Variants in NLRP14 observed in about 807,000 individuals in gnomAD.
NLRP14 encodes NLR family pyrin domain containing 14.
NLRP14 carries 105 observed loss-of-function variants against 94.7 expected under a neutral mutation model. That is an observed-to-expected ratio of 1.11 (90% confidence interval 0.95 to 1.30). The LOEUF is 1.30. Ranked by LOEUF, NLRP14 falls within the 50% of genes most tolerant of loss-of-function variation. NLRP14 has a pLI of 0.00. For synonymous variants in NLRP14, 508 were observed against 459.9 expected (o/e 1.10, Z -1.34); for missense variants, 1,362 against 1,254.1 (o/e 1.09, Z -1.30).
chr11:7,039,700 G>A lies in NLRP14; in HGVS notation c.290-14G>A, dbSNP rs192401209. On this transcript the variant is annotated splice_polypyrimidine_tract_variant and intron_variant, in intron 2 of 11. Transcript: ENST00000299481. ...TTTCATTAAATATCATGATCCTATC[G>A]GAACCTGTTGCAGGGTCGGCCCAGA... is the stretch of plus-strand genomic sequence containing the variant. 4.9e-4 allele frequency: 791 copies of A among 1,607,056 alleles called. 1 individual carries two copies. The highest frequency in any genetic ancestry group is 4.1e-4 in the Non-Finnish European group (477 of 1,173,624).
intron 10 of NLRP14, among the ~76,000 whole-genome samples, chr11:7,064,903 T>C (rs545651794): frequency 1.3e-5 from 2 of 152,120 alleles, no homozygotes; most frequent in South Asian, 2.1e-4. Context: ...CACATTTTCA[T>C]TGGTGCGTGG....
In NLRP14 at chr11:7,038,629, C is replaced by T. The variant is rs1565014142; in HGVS notation, c.43C>T (p.Leu15=). ...ATCTTCTTTCTTTCCTGATTTTGGG[C>T]TGCTATTGTATTTGGAGGAGCTAAA... ...SSSSFFPDFG[L]LLYLEELNKE... Residue 15 remains leucine, a synonymous_variant, in exon 2 of 12, where the codon CTG becomes TTG. Coordinates refer to ENST00000299481, the MANE Select transcript of NLRP14 (RefSeq NM_176822.4). The T allele has an allele frequency of 6.2e-7, 1 of 1,613,890 alleles. No individual in the cohort carries two copies. Among genetic ancestry groups the T allele is most frequent in the Admixed American group, 1.7e-5 (1 of 60,004 alleles).
chr11:7,041,915 A>T (rs922059176), intron 3 of NLRP14, among the ~76,000 whole-genome samples: 1 of 151,844 alleles, frequency 6.6e-6, no homozygotes, highest in African/African-American at 2.4e-5. Context: ...CTACGATTCA[A>T]TGTTTATTTC....
chr11:7,047,971 G>C (rs1852384453), intron 5 of NLRP14, among the ~76,000 whole-genome samples: 1 of 151,182 alleles, frequency 6.6e-6, no homozygotes, highest in Non-Finnish European at 1.5e-5. Flanking sequence ...TGTTGGCCAA[G>C]CTGGTCTCAA....
Position 7,071,252 on chromosome 11 carries a change from AAGCC to A in NLRP14, c.3229_3232del (p.Pro1077IlefsTer25), listed in dbSNP as rs780653890. On this transcript the variant is annotated frameshift_variant, in exon 12 of 12. Transcript: ENST00000299481. LOFTEE classifies it low-confidence loss of function (END_TRUNC). ...AGTTAGCAATCCACACTTAATCATT[AAGCC>A]AGATTGTAACTATCATAATGAAGAA... The A allele has an allele frequency of 1.2e-6, 2 of 1,613,600 alleles. No homozygotes were observed. The highest frequency in any genetic ancestry group is 1.7e-6 in the Non-Finnish European group (2 of 1,179,762).
chr11:7,063,406 G>A (rs1461747823), intron 10 of NLRP14, among the ~76,000 whole-genome samples: 1 of 152,042 alleles, frequency 6.6e-6, no homozygotes, highest in East Asian at 1.9e-4. Context: ...ATGGATGCCT[G>A]CACATGCAAC....
Position 7,043,533 on chromosome 11 carries a change from C to A in NLRP14, c.1507C>A (p.Pro503Thr), listed in dbSNP as rs142838064. ...MLKGSWEAGN[P>T]SCQPFEDLKS... ...GAAAGGCAGTTGGGAAGCTGGGAAC[C>A]CTTCCTGCCAGCCTTTTGAAGATTT... is the stretch of plus-strand genomic sequence containing the variant. The change falls in exon 4 of 12, where the codon CCT becomes ACT. Residue 503 changes from proline (P) to threonine (T), a missense_variant. Transcript: ENST00000299481. 46 of 1,613,976 alleles carry A rather than the reference C, an allele frequency of 2.9e-5. No homozygotes were observed. The highest frequency in any genetic ancestry group is 3.5e-5 in the Non-Finnish European group (41 of 1,180,016).
Position 7,043,831 on chromosome 11 carries a change from TC to T in NLRP14, c.1808del (p.Pro603GlnfsTer33), listed in dbSNP as rs1852310072. On this transcript the variant is annotated frameshift_variant, in exon 4 of 12. Transcript: ENST00000299481. LOFTEE classifies it high-confidence loss of function. ...TTTATAAGCCAGGCAATGAGATGTT[TC>T]CCAAAGGTTGCCATTAATATTTGTG... ...KAFISQAMRC[F>X]PKVAINICEK... 1.9e-6 allele frequency: 3 copies of T among 1,614,226 alleles called. No homozygotes were observed. The East Asian group carries it at 6.7e-5, about 36-fold the overall frequency.
rs1250039989 is a variant in NLRP14, at chr11:7,041,608, C to T, written c.362-780C>T. ...CAAATATATTTGACACTTATGTGCACGGAAATGTGTTAGACACTGACCATG... is the reference window on the plus strand; with the variant it reads ...CAAATATATTTGACACTTATGTGCATGGAAATGTGTTAGACACTGACCATG... On this transcript the variant is annotated intron_variant, in intron 3 of 11. Coordinates refer to ENST00000299481, the MANE Select transcript of NLRP14 (RefSeq NM_176822.4). 3.3e-5 allele frequency among the ~76,000 whole-genome samples: 5 copies of T among 152,064 alleles called. No individual in the cohort carries two copies. The East Asian group carries it at 5.8e-4, about 18-fold the overall frequency.
the NLRP14 span, among the ~76,000 whole-genome samples, chr11:7,084,232 A>G: frequency 6.6e-6 from 1 of 152,212 alleles, no homozygotes; most frequent in Non-Finnish European, 1.5e-5. Context: ...AGTCCTGGGG[A>G]AAAGAGTCTA....
intron 6 of NLRP14, among the ~76,000 whole-genome samples, chr11:7,050,502 C>T (rs1181005480): frequency 2.0e-5 from 3 of 152,044 alleles, no homozygotes; most frequent in Non-Finnish European, 2.9e-5. Flanking sequence ...AGGTTTCTGA[C>T]AAAACCAGAC....
At chr11:7,089,895 G>T in the NLRP14 span, 2 of 1,612,940 alleles carry the variant, frequency 1.2e-6, no homozygotes, top group South Asian at 1.1e-5. Flanking sequence ...AGGCTACAGC[G>T]ACCGAGACGG....
At chr11:7,035,303 C>A (rs927065422) in intron 1 of NLRP14, among the ~76,000 whole-genome samples, 21 of 152,180 alleles carry the variant, frequency 1.4e-4, no homozygotes, top group African/African-American at 4.3e-4. Flanking sequence ...CCAGCCTGGG[C>A]GACAGAGCGA....
rs200212568 is a variant in NLRP14 at position 7,058,384 on chromosome 11, G to T, written c.2567G>T (p.Gly856Val). Residue 856 changes from glycine to valine, a missense_variant, in exon 8 of 12, where the codon GGT (glycine) becomes GTT (valine). Coordinates refer to ENST00000299481, the MANE Select transcript of NLRP14 (RefSeq NM_176822.4). ...TTGTGCTTGGCAGACAATGTCTTGGGTGATGGTGGAGTAAAGCTTATGAGT... is the reference window on the plus strand; with the variant it reads ...TTGTGCTTGGCAGACAATGTCTTGGTTGATGGTGGAGTAAAGCTTATGAGT... Reference protein sequence around the residue: ...THLCLADNVLGDGGVKLMSDA... With the variant: ...THLCLADNVLVDGGVKLMSDA... 6.2e-7 allele frequency: 1 copy of T among 1,612,908 alleles called. No individual in the cohort carries two copies. The highest frequency in any genetic ancestry group is 2.2e-5 in the East Asian group (1 of 44,866).
intron 1 of NLRP14, among the ~76,000 whole-genome samples, chr11:7,025,771 T>A (rs1460363779): frequency 6.6e-6 from 1 of 151,478 alleles, no homozygotes; most frequent in Non-Finnish European, 1.5e-5. Flanking sequence ...GTACAATTTA[T>A]GAAGAAGTAT....
At chr11:7,022,686 C>T (rs1458346123) in intron 1 of NLRP14, among the ~76,000 whole-genome samples, 3 of 152,106 alleles carry the variant, frequency 2.0e-5, no homozygotes, top group Non-Finnish European at 2.9e-5. Context: ...CATCACAGAT[C>T]GGAGGAGATA....
intron 1 of NLRP14, among the ~76,000 whole-genome samples, chr11:7,033,864 T>C (rs770121464): frequency 2.0e-5 from 3 of 152,230 alleles, no homozygotes; most frequent in Non-Finnish European, 2.9e-5. Context: ...CTTTGTTTTT[T>C]CTTATGGCTA....
At chr11:7,074,912 A>C (rs1852855741), downstream of NLRP14, among the ~76,000 whole-genome samples, 5 of 152,352 alleles carry the variant, frequency 3.3e-5, no homozygotes, top group South Asian at 1.0e-3. Context: ...TAAGGTGAAC[A>C]TTTGAAGAAA....
At chr11:7,079,954 G>A in the NLRP14 span, among the ~76,000 whole-genome samples, 3 of 152,236 alleles carry the variant, frequency 2.0e-5, no homozygotes, top group Admixed American at 1.3e-4. Context: ...GCGATAGGAG[G>A]GGTAATTGAC....
Sources: allele counts gnomAD v4.1 joint callset (sites outside exome capture counted in the v4.1 genomes callset), GRCh38; gene constraint gnomAD v4.1.1; transcripts MANE v1.5; gene names NCBI Gene and HGNC (gene_info 2026-07-23, HGNC 2026-07-21).